The following ARMC9 variants were observed in gnomAD, a reference collection of about 807,000 sequenced individuals.
ARMC9 encodes the protein armadillo repeat containing 9.
A neutral mutation model predicts 107.0 loss-of-function variants in ARMC9; 94 were observed. That is an observed-to-expected ratio of 0.88 (90% CI 0.74 to 1.04). ARMC9 has a LOEUF of 1.04. ARMC9 is among the 50% of genes least tolerant of loss of function. The pLI, the probability that ARMC9 is intolerant of heterozygous loss-of-function variation, is 0.00. For missense variants in ARMC9, 942 were observed against 1,030.1 expected (o/e 0.91, Z 1.17); for synonymous variants, 380 against 396.9 (o/e 0.96, Z 0.51).
At chr2:231,200,651 C>T (rs149984445) in intron 1 of ARMC9, among the ~76,000 whole-genome samples, 186 of 151,216 alleles carry the variant, frequency 1.2e-3, no homozygotes, top group African/African-American at 4.2e-3. Flanking sequence ...CCAGCCTGGG[C>T]GGCAAAAGTG....
chr2:231,247,049 G>A (rs1036016309), intron 9 of ARMC9, among the ~76,000 whole-genome samples: 2 of 151,758 alleles, frequency 1.3e-5, no homozygotes, highest in Non-Finnish European at 2.9e-5. Flanking sequence ...TCCGCCTCCC[G>A]GGTTCATGCC....
chr2:231,239,877 G>C, intron 8 of ARMC9, 66 bp from the exon 9 acceptor site: 1 of 1,364,166 alleles, frequency 7.3e-7, no homozygotes. Context: ...ACAATTGCCA[G>C]CGTGCCTCAG....
rs2045413104 is a variant in ARMC9 at position 231,358,042 on chromosome 2, A to G, written c.2131+2108A>G. Among the ~76,000 whole-genome samples, 1 of 151,964 alleles carries G rather than the reference A, an allele frequency of 6.6e-6. No individual in the cohort carries two copies. Among genetic ancestry groups the G allele is most frequent in the African/African-American group, 2.4e-5 (1 of 41,350 alleles). On this transcript the variant is annotated intron_variant, in intron 22 of 24. Transcript: ENST00000611582. This position sits in a 1 kb window ranked among gnomAD's most constrained non-coding sequence, Gnocchi z 4.5. The stretch of plus-strand genomic sequence containing the variant: ...TGCCCACGGCCTGTTGCGTCTCCCC[A>G]GTTGGCCTCCCTGCCCCTCTCCCTG...
At position 231,297,680 on chromosome 2, in the gene ARMC9, C is replaced by T. The variant is rs1287740366; in HGVS notation, c.1773+1427C>T. On this transcript the variant is annotated intron_variant, in intron 19 of 24. Transcript: ENST00000611582. The surrounding 1 kb of genome is among the most constrained non-coding windows in gnomAD (Gnocchi z 4.2). ...TAGCTGGCGAGCATAGGAAAGCAGG[C>T]ACCTGACTCGTGGGCCATTGTTTGC... 2.0e-5 allele frequency among the ~76,000 whole-genome samples: 3 copies of T among 152,214 alleles called. No individual in the cohort carries two copies. The highest frequency in any genetic ancestry group is 6.3e-3 in the Middle Eastern group (2 of 316).
chr2:231,329,974 G>A (rs572146379), intron 19 of ARMC9, among the ~76,000 whole-genome samples: 92 of 152,138 alleles, frequency 6.0e-4, no homozygotes, highest in African/African-American at 2.2e-3. Flanking sequence ...TCCTACAAAT[G>A]TTCAATTTCT....
intron 15 of ARMC9, among the ~76,000 whole-genome samples, chr2:231,277,176 C>CT (rs1455399940): frequency 2.6e-5 from 4 of 152,332 alleles, no homozygotes; most frequent in Admixed American, 2.0e-4. Context: ...GAATCACACT[C>CT]TTTTCCCTGC....
At chr2:231,203,851 T>G (rs2031506948) in intron 1 of ARMC9, among the ~76,000 whole-genome samples, 1 of 152,026 alleles carries the variant, frequency 6.6e-6, no homozygotes, top group African/African-American at 2.4e-5. Context: ...TCCCAGCTAC[T>G]CGGGAGGCTG....
Position 231,273,011 on chromosome 2 carries a change from AAGG to A in ARMC9, c.1275_1277del (p.Glu425del), listed in dbSNP as rs760420946. The A allele has an allele frequency of 2.5e-6, 4 of 1,613,966 alleles. No homozygotes were observed. The highest frequency in any genetic ancestry group is 3.4e-6 in the Non-Finnish European group (4 of 1,179,910). On this transcript the variant is annotated inframe_deletion, in exon 14 of 25. Transcript: ENST00000611582. ...GCTGCAGATGCTGGAGGGAAGGCTG[AAGG>A]AGGAGGACAAGGATATCATCACCAG...
At chr2:231,206,898 G>A (rs984833437) in intron 2 of ARMC9, among the ~76,000 whole-genome samples, 1 of 152,254 alleles carries the variant, frequency 6.6e-6, no homozygotes, top group African/African-American at 2.4e-5. Flanking sequence ...ACCACCTGCA[G>A]GTTGCGAGAG....
intron 19 of ARMC9, among the ~76,000 whole-genome samples, chr2:231,324,166 T>A (rs1225502088): frequency 6.8e-6 from 1 of 147,208 alleles, no homozygotes; most frequent in African/African-American, 2.5e-5. Context: ...CTTGCTCTGT[T>A]GCCCAGGCTG....
rs1472069516 is a variant in ARMC9 at position 231,362,592 on chromosome 2, C to G, written c.2261+1709C>G. On this transcript the variant is annotated intron_variant, in intron 23 of 24. Coordinates refer to ENST00000611582, the MANE Select transcript of ARMC9 (RefSeq NM_001352754.2). The surrounding 1 kb of genome is among the most constrained non-coding windows in gnomAD (Gnocchi z 4.7). ...GGTGCCCTCCCCTTGGTGTCAGTCA[C>G]TGAAGCCAGCTCTTATTTTAAGCCT... 2 of 151,996 alleles carry G rather than the reference C, an allele frequency of 1.3e-5. No homozygotes were observed. The highest frequency in any genetic ancestry group is 2.9e-5 in the Non-Finnish European group (2 of 67,994). 9.4% of individuals were successfully genotyped at this position (151,996 alleles called of 1,614,324 possible). A position where few individuals can be genotyped will look rare whatever the true frequency, so the allele number is the denominator to read the frequency against.
chr2:231,290,933 A>G (rs564114484), intron 17 of ARMC9, among the ~76,000 whole-genome samples: 164 of 137,724 alleles, frequency 1.2e-3, no homozygotes, highest in Non-Finnish European at 1.9e-3. Flanking sequence ...AATATTGTGC[A>G]GTAAAATTTT....
intron 5 of ARMC9, among the ~76,000 whole-genome samples, chr2:231,219,187 C>CA (rs1288417329): frequency 6.6e-6 from 1 of 150,988 alleles, no homozygotes; most frequent in Non-Finnish European, 1.5e-5. Flanking sequence ...TTTAAATGTA[C>CA]AAATTAAGAA....
Position 231,362,522 on chromosome 2 carries a change from C to CA in ARMC9, c.2261+1639_2261+1640insA, listed in dbSNP as rs2045631485. 6.6e-6 allele frequency among the ~76,000 whole-genome samples: 1 copy of CA among 151,954 alleles called. No homozygotes were observed. The highest frequency in any genetic ancestry group is 6.6e-5 in the Admixed American group (1 of 15,226). On this transcript the variant is annotated intron_variant, in intron 23 of 24. Transcript: ENST00000611582. This position sits in a 1 kb window ranked among gnomAD's most constrained non-coding sequence, Gnocchi z 4.7. ...CAAGCAGCGTTGCCTAGCTGGCCCC[C>CA]CAAGATTCTACTGAGCACAAAGACC...
Position 231,236,982 on chromosome 2 carries a change from G to A in ARMC9, c.780+1601G>A, listed in dbSNP as rs562627410. Among the ~76,000 whole-genome samples the A allele has an allele frequency of 2.6e-5, 4 of 152,276 alleles. No individual in the cohort carries two copies. In the South Asian group the frequency reaches 8.3e-4, roughly 32 times the overall value. ...TTTAAAAAAAGATGGGTCAGAGGAG[G>A]AAAGCTGGACTCTTTACTAGCCTTT... On this transcript the variant is annotated intron_variant, in intron 8 of 24. Coordinates refer to ENST00000611582, the MANE Select transcript of ARMC9 (RefSeq NM_001352754.2).
intron 9 of ARMC9, among the ~76,000 whole-genome samples, chr2:231,250,035 AGGTCCACTGTGATTG>A (rs989441699): frequency 7.2e-5 from 11 of 152,038 alleles, no homozygotes; most frequent in Middle Eastern, 3.4e-3. Context: ...GTGCATTTGC[AGGTCCACTGTGATTG>A]GGAGCACAGT....
intron 20 of ARMC9, 138 bp downstream of exon 20, chr2:231,332,035 A>G: frequency 1.4e-6 from 1 of 715,612 alleles, no homozygotes; most frequent in Non-Finnish European, 2.4e-6. Context: ...CATGTTAGCC[A>G]GTCTGCTCTC....
intron 19 of ARMC9, among the ~76,000 whole-genome samples, chr2:231,314,293 G>A (rs2042538650): frequency 6.6e-6 from 1 of 151,938 alleles, no homozygotes; most frequent in Admixed American, 6.6e-5. Context: ...TGGTCAGGCT[G>A]GTCTCGAACT....
intron 3 of ARMC9, among the ~76,000 whole-genome samples, chr2:231,208,677 G>A (rs750303803): frequency 2.0e-5 from 3 of 152,192 alleles, no homozygotes; most frequent in Non-Finnish European, 2.9e-5. Flanking sequence ...CTGACAAGGC[G>A]GGTCTGTGAA....
Sources: allele counts gnomAD v4.1 joint callset (sites outside exome capture counted in the v4.1 genomes callset), GRCh38; gene constraint gnomAD v4.1.1; non-coding constraint Gnocchi (gnomAD v3.1); transcripts MANE v1.5; gene names NCBI Gene and HGNC (gene_info 2026-07-23, HGNC 2026-07-21).